The following SYNPR variants were observed in gnomAD, a reference collection of about 807,000 sequenced individuals.
The protein encoded by SYNPR is synaptoporin.
SYNPR carries 23 observed loss-of-function variants against 32.9 expected under a neutral mutation model. The ratio of observed to expected loss-of-function variants is 0.70; its 90% CI spans 0.50 to 0.99. The LOEUF is 0.99. SYNPR is among the 50% of genes least tolerant of loss of function. The pLI is 0.00. For synonymous variants in SYNPR, 146 were observed against 135.9 expected (o/e 1.07, Z -0.52); for missense variants, 318 against 349.3 (o/e 0.91, Z 0.71).
intron 2 of SYNPR, chr3:63,443,063 C>T: frequency 9.9e-7 from 1 of 1,014,776 alleles, no homozygotes; most frequent in Non-Finnish European, 1.2e-6. Flanking sequence ...GTTGGTGATG[C>T]AGCCTGCTCG....
At chr3:63,413,868 C>CA (rs58276625) in intron 2 of SYNPR, among the ~76,000 whole-genome samples, 1,632 of 151,450 alleles carry the variant, frequency 0.011, 29 homozygotes, top group African/African-American at 0.037. Flanking sequence ...TGAACATTAT[C>CA]AAAAAAAATG....
intron 3 of SYNPR, among the ~76,000 whole-genome samples, chr3:63,533,816 C>T (rs1326232080): frequency 6.6e-6 from 1 of 152,076 alleles, no homozygotes; most frequent in Non-Finnish European, 1.5e-5. Context: ...CCTTGGCTAT[C>T]GAATAGACCC....
In SYNPR at chr3:63,615,435, T is replaced by C; in HGVS notation, c.812T>C (p.Phe271Ser). Residue 271 changes from phenylalanine to serine, a missense_variant, in exon 6 of 6, where the codon TTT becomes TCT. Transcript: ENST00000478300. ...QASLGPTSDEFGQQPTGPTSF... is the reference protein window; with the variant it reads ...QASLGPTSDESGQQPTGPTSF... ...AGTTTGGGGCCAACCTCAGATGAGT[T>C]TGGCCAACAGCCTACTGGCCCCACT... 2 of 1,613,960 alleles carry C rather than the reference T, an allele frequency of 1.2e-6. No homozygotes were observed. Among genetic ancestry groups the C allele is most frequent in the Admixed American group, 1.7e-5 (1 of 60,012 alleles).
intron 2 of SYNPR, among the ~76,000 whole-genome samples, chr3:63,257,571 C>T (rs2086395887): frequency 6.6e-6 from 1 of 152,106 alleles, no homozygotes; most frequent in Non-Finnish European, 1.5e-5. Flanking sequence ...GAAGGAAGCA[C>T]TAAACATGGA....
At chr3:63,388,202 A>C (rs1338346515) in intron 2 of SYNPR, among the ~76,000 whole-genome samples, 1 of 152,056 alleles carries the variant, frequency 6.6e-6, no homozygotes, top group Non-Finnish European at 1.5e-5. Flanking sequence ...TGACTCCTGA[A>C]GGAGCTGATG....
the SYNPR span, among the ~76,000 whole-genome samples, chr3:63,218,633 C>T: frequency 6.6e-6 from 1 of 152,202 alleles, no homozygotes; most frequent in Non-Finnish European, 1.5e-5. Flanking sequence ...AGTAAAGCTT[C>T]TGTCTCCTGA....
At chr3:63,249,565 G>T (rs1466232732) in intron 1 of SYNPR, among the ~76,000 whole-genome samples, 1 of 152,026 alleles carries the variant, frequency 6.6e-6, no homozygotes, top group African/African-American at 2.4e-5. Flanking sequence ...GTGGGAGGGG[G>T]CGAGGGATAA....
chr3:63,412,447 C>T (rs1023759405), intron 2 of SYNPR, among the ~76,000 whole-genome samples: 1 of 152,146 alleles, frequency 6.6e-6, no homozygotes, highest in Admixed American at 6.5e-5. Context: ...ATCTACCTTG[C>T]ACCAAGCACT....
chr3:63,482,232 A>T (rs886341376), intron 3 of SYNPR, among the ~76,000 whole-genome samples: 1 of 152,232 alleles, frequency 6.6e-6, no homozygotes, highest in African/African-American at 2.4e-5. Context: ...CTACAAATTC[A>T]AATGATTGGC....
At chr3:63,408,754 A>G (rs1372745534) in intron 2 of SYNPR, among the ~76,000 whole-genome samples, 1 of 152,150 alleles carries the variant, frequency 6.6e-6, no homozygotes, top group African/African-American at 2.4e-5. Flanking sequence ...TGGGGCAAGG[A>G]AAGATCTTCC....
At chr3:63,256,216 G>A (rs1487540914) in intron 2 of SYNPR, among the ~76,000 whole-genome samples, 1 of 152,212 alleles carries the variant, frequency 6.6e-6, no homozygotes, top group Non-Finnish European at 1.5e-5. Context: ...GCTTTGAAGA[G>A]AGCAGTGGTT....
At chr3:63,200,726 G>C in the SYNPR span, among the ~76,000 whole-genome samples, 1 of 152,144 alleles carries the variant, frequency 6.6e-6, no homozygotes, top group African/African-American at 2.4e-5. Flanking sequence ...ACATCAAGCT[G>C]TTTCCTGAAT....
At chr3:63,446,177 C>A (rs1700272773) in intron 2 of SYNPR, among the ~76,000 whole-genome samples, 1 of 152,010 alleles carries the variant, frequency 6.6e-6, no homozygotes, top group African/African-American at 2.4e-5. Flanking sequence ...TATCTCAAGG[C>A]AGCTGGTTCG....
intron 2 of SYNPR, among the ~76,000 whole-genome samples, chr3:63,265,302 A>G (rs2086476225): frequency 7.5e-6 from 1 of 132,474 alleles, no homozygotes; most frequent in Admixed American, 8.4e-5. Flanking sequence ...CCCAGGATGG[A>G]GTGCAGTGGC....
intron 3 of SYNPR, among the ~76,000 whole-genome samples, chr3:63,493,331 C>T (rs987293826): frequency 1.3e-5 from 2 of 152,094 alleles, no homozygotes; most frequent in African/African-American, 4.8e-5. Context: ...AGAGCCGAGA[C>T]ATGAAACCAT....
At chr3:63,420,116 A>T (rs2088588899) in intron 2 of SYNPR, among the ~76,000 whole-genome samples, 1 of 152,196 alleles carries the variant, frequency 6.6e-6, no homozygotes, top group South Asian at 2.1e-4. Context: ...GGATGAGAAG[A>T]TTCAATATTG....
At chr3:63,373,239 A>T (rs2087843443) in intron 2 of SYNPR, among the ~76,000 whole-genome samples, 1 of 152,222 alleles carries the variant, frequency 6.6e-6, no homozygotes, top group East Asian at 1.9e-4. Flanking sequence ...AATGGCTGAA[A>T]TGACAGAAAT....
At chr3:63,390,331 A>T (rs1017076439) in intron 2 of SYNPR, among the ~76,000 whole-genome samples, 5 of 152,232 alleles carry the variant, frequency 3.3e-5, no homozygotes, top group Admixed American at 2.0e-4. Context: ...CATCAAAGGC[A>T]GGGAACCCAG....
At chr3:63,217,698 C>T in the SYNPR span, among the ~76,000 whole-genome samples, 50 of 151,982 alleles carry the variant, frequency 3.3e-4, no homozygotes, top group African/African-American at 1.2e-3. Context: ...AGCTGTAGAC[C>T]GGAGCTGTTC....
Sources: allele counts gnomAD v4.1 joint callset (sites outside exome capture counted in the v4.1 genomes callset), GRCh38; gene constraint gnomAD v4.1.1; transcripts MANE v1.5; gene names NCBI Gene and HGNC (gene_info 2026-07-23, HGNC 2026-07-21).